Variants in SH3RF3 observed in about 807,000 individuals in gnomAD.
The protein encoded by SH3RF3 is SH3 domain containing ring finger 3, also known as E3 ubiquitin-protein ligase SH3RF3.
In SH3RF3, 29 loss-of-function variants were observed where a neutral mutation model predicts 66.3. The ratio of observed to expected loss-of-function variants is 0.44; its 90% CI spans 0.33 to 0.60. SH3RF3 has a LOEUF of 0.60. Ranked by LOEUF, SH3RF3 falls within the 20% of genes least tolerant of loss-of-function variation. SH3RF3 has a pLI of 0.04. For synonymous variants in SH3RF3, 583 were observed against 532.0 expected (o/e 1.10, Z -1.32); for missense variants, 1,194 against 1,190.9 (o/e 1.00, Z -0.04).
At chr2:109,298,006 G>C (rs945814533) in intron 1 of SH3RF3, among the ~76,000 whole-genome samples, 2 of 152,306 alleles carry the variant, frequency 1.3e-5, no homozygotes, top group Admixed American at 6.5e-5. Flanking sequence ...GCCTCAGCTG[G>C]TGACAGCTGA....
chr2:109,314,043 A>G (rs1037733334), intron 1 of SH3RF3, among the ~76,000 whole-genome samples: 1 of 152,120 alleles, frequency 6.6e-6, no homozygotes, highest in Non-Finnish European at 1.5e-5. Context: ...GAGAAAAGGA[A>G]GAGGCTATGG....
intron 5 of SH3RF3, among the ~76,000 whole-genome samples, chr2:109,422,653 G>A (rs1676913879): frequency 6.6e-6 from 1 of 152,170 alleles, no homozygotes; most frequent in Non-Finnish European, 1.5e-5. Flanking sequence ...GACCTGCTGT[G>A]ATTTGGGAAA....
At chr2:109,308,992 T>C (rs1485957476) in intron 1 of SH3RF3, among the ~76,000 whole-genome samples, 2 of 81,152 alleles carry the variant, frequency 2.5e-5, no homozygotes, top group Non-Finnish European at 4.1e-5. Context: ...GGGATGGCAT[T>C]GAATCTGTAA....
At chr2:109,157,473 T>C (rs979966247) in intron 1 of SH3RF3, among the ~76,000 whole-genome samples, 8 of 152,230 alleles carry the variant, frequency 5.3e-5, no homozygotes, top group Admixed American at 2.6e-4. Context: ...ATATCTGCAT[T>C]TCCATACTCT....
chr2:109,197,184 G>T (rs7604406), intron 1 of SH3RF3, among the ~76,000 whole-genome samples: 1 of 152,194 alleles, frequency 6.6e-6, no homozygotes, highest in Non-Finnish European at 1.5e-5. Flanking sequence ...CAGGAAGGCG[G>T]TAGTCTTGTT....
intron 1 of SH3RF3, among the ~76,000 whole-genome samples, chr2:109,299,470 C>T (rs1222142657): frequency 6.6e-6 from 1 of 152,042 alleles, no homozygotes; most frequent in Non-Finnish European, 1.5e-5. Context: ...CCACCAGGGC[C>T]TTTTGAAGCA....
At chr2:109,248,094 A>G (rs1679965328) in intron 1 of SH3RF3, among the ~76,000 whole-genome samples, 1 of 152,178 alleles carries the variant, frequency 6.6e-6, no homozygotes, top group Non-Finnish European at 1.5e-5. Flanking sequence ...GGAGGCTGTT[A>G]CTCTACAATC....
chr2:109,408,169 C>T (rs1260064024), intron 4 of SH3RF3, among the ~76,000 whole-genome samples: 1 of 152,144 alleles, frequency 6.6e-6, no homozygotes, highest in Non-Finnish European at 1.5e-5. Context: ...GAGGGTTGTT[C>T]ATGAATGCCC....
intron 1 of SH3RF3, among the ~76,000 whole-genome samples, chr2:109,286,510 G>A (rs1158772434): frequency 6.6e-6 from 1 of 152,184 alleles, no homozygotes; most frequent in Non-Finnish European, 1.5e-5. Flanking sequence ...TATCACCTGG[G>A]TGCAGAAGAC....
chr2:109,312,371 C>T (rs1681750151), intron 1 of SH3RF3, among the ~76,000 whole-genome samples: 1 of 152,102 alleles, frequency 6.6e-6, no homozygotes, highest in Non-Finnish European at 1.5e-5. Context: ...TGGTATAATA[C>T]TTATAACATG....
intron 1 of SH3RF3, among the ~76,000 whole-genome samples, chr2:109,199,497 T>TC (rs112603333): frequency 3.9e-3 from 1 of 256 alleles, no homozygotes; most frequent in Non-Finnish European, 0.011. Flanking sequence ...ATGGAATGGA[T>TC]GGAATGGAAT....
chr2:109,245,054 G>A (rs181588781), intron 1 of SH3RF3, among the ~76,000 whole-genome samples: 1 of 152,250 alleles, frequency 6.6e-6, no homozygotes, highest in African/African-American at 2.4e-5. Flanking sequence ...TGTTGTCTGG[G>A]CAGCCTTGTG....
rs572765066 is a variant in SH3RF3, at chr2:109,471,191, C to A, written c.2149-19414C>A. On this transcript the variant is annotated intron_variant, in intron 8 of 9. Transcript: ENST00000309415. ...TCGTGCCATTGCACTCCAGCCTGGG[C>A]GACAGACTCTGTCTCAAAAAAAAAA... Among the ~76,000 whole-genome samples, 319 of 123,274 alleles carry A rather than the reference C, an allele frequency of 2.6e-3. 1 individual carries two copies. Among genetic ancestry groups the A allele is most frequent in the Non-Finnish European group, 3.4e-3 (215 of 63,596 alleles). 80.9% of individuals were successfully genotyped at this position (123,274 alleles called of 152,430 possible). A position where few individuals can be genotyped will look rare whatever the true frequency, so the allele number is the denominator to read the frequency against.
chr2:109,237,619 A>G (rs538807620), intron 1 of SH3RF3, among the ~76,000 whole-genome samples: 1 of 152,230 alleles, frequency 6.6e-6, no homozygotes, highest in South Asian at 2.1e-4. Flanking sequence ...TTTTTTTTAA[A>G]GCTCATCGGC....
In SH3RF3 at chr2:109,442,183, C is replaced by T. The variant is rs1254754400; in HGVS notation, c.1828+5037C>T. Among the ~76,000 whole-genome samples the T allele has an allele frequency of 6.6e-5, 10 of 152,008 alleles. No homozygotes were observed. In the South Asian group the frequency reaches 8.3e-4, roughly 13 times the overall value. ...AAAATTAGCCAGGCGTGTTGGCGGG[C>T]GCCTGTAGTCCCAGCTGCTCAGGAG... On this transcript the variant is annotated intron_variant, in intron 7 of 9. Coordinates refer to ENST00000309415, the MANE Select transcript of SH3RF3 (RefSeq NM_001099289.3).
chr2:109,265,992 A>G (rs948792220), intron 1 of SH3RF3, among the ~76,000 whole-genome samples: 1 of 152,024 alleles, frequency 6.6e-6, no homozygotes, highest in Non-Finnish European at 1.5e-5. Flanking sequence ...TTATGTGCGC[A>G]TGTGTGTCAT....
chr2:109,346,388 G>T (rs1574587579), intron 1 of SH3RF3, among the ~76,000 whole-genome samples: 1 of 152,158 alleles, frequency 6.6e-6, no homozygotes, highest in South Asian at 2.1e-4. Flanking sequence ...TACTGCTTCA[G>T]GCTTTTGTGC....
chr2:109,350,967 A>G (rs1159487604), intron 2 of SH3RF3, among the ~76,000 whole-genome samples: 2 of 152,246 alleles, frequency 1.3e-5, no homozygotes, highest in Non-Finnish European at 2.9e-5. Flanking sequence ...GATCAAAGCA[A>G]GATTTTTACC....
At chr2:109,300,320 T>G (rs1258035090) in intron 1 of SH3RF3, among the ~76,000 whole-genome samples, 2 of 152,078 alleles carry the variant, frequency 1.3e-5, no homozygotes, top group African/African-American at 4.8e-5. Context: ...GCTGGGACTA[T>G]AGTCGCACGC....
Sources: allele counts gnomAD v4.1 joint callset (sites outside exome capture counted in the v4.1 genomes callset), GRCh38; gene constraint gnomAD v4.1.1; transcripts MANE v1.5; gene names NCBI Gene and HGNC (gene_info 2026-07-23, HGNC 2026-07-21).